The following CWF19L2 variants were observed in gnomAD, a reference collection of about 807,000 sequenced individuals.
CWF19L2 encodes the protein CWF19 like cell cycle control factor 2.
In CWF19L2, 98 loss-of-function variants were observed where a neutral mutation model predicts 111.7. That is an observed-to-expected ratio of 0.88 (90% CI 0.75 to 1.04). The LOEUF (loss-of-function observed/expected upper bound fraction) is 1.04, where lower values mean the gene tolerates loss of function less well. Among genes scored for constraint, CWF19L2 ranks in the 50% least tolerant of loss-of-function variants. The pLI, the probability that CWF19L2 is intolerant of heterozygous loss-of-function variation, is 0.00. For synonymous variants in CWF19L2, 351 were observed against 342.9 expected (o/e 1.02, Z -0.26); for missense variants, 1,101 against 1,051.4 (o/e 1.05, Z -0.65).
At chr11:107,362,191 T>C (rs993906945) in intron 12 of CWF19L2, among the ~76,000 whole-genome samples, 62 of 74,926 alleles carry the variant, frequency 8.3e-4, no homozygotes, top group African/African-American at 4.9e-3. Context: ...GGAGTCTCGC[T>C]GATTGCTACC....
chr11:107,425,077 A>G (rs1322997448), intron 8 of CWF19L2, among the ~76,000 whole-genome samples: 1 of 151,844 alleles, frequency 6.6e-6, no homozygotes, highest in East Asian at 1.9e-4. Flanking sequence ...AAGCCCAAAC[A>G]TGTCTCAATT....
At position 107,358,980 on chromosome 11, in the gene CWF19L2, C is replaced by A. The variant is rs1032973493; in HGVS notation, c.1873-5244G>T. ...GAGTTATGCAAACAGATACAGAGTA[C>A]AAGGATACTTATCTCCCACATGACA... On this transcript the variant is annotated intron_variant, in intron 12 of 17. Transcript: ENST00000282251. Among the ~76,000 whole-genome samples the A allele has an allele frequency of 5.3e-5, 8 of 152,176 alleles. 1 individual carries two copies. Among genetic ancestry groups the A allele is most frequent in the Non-Finnish European group, 7.4e-5 (5 of 68,024 alleles).
At chr11:107,432,516 G>A (rs1861478736) in intron 7 of CWF19L2, among the ~76,000 whole-genome samples, 1 of 152,248 alleles carries the variant, frequency 6.6e-6, no homozygotes, top group Admixed American at 6.5e-5. Flanking sequence ...CGAGGAGGCA[G>A]AGGTTGCAGT....
intron 12 of CWF19L2, among the ~76,000 whole-genome samples, chr11:107,367,929 C>T (rs1220858295): frequency 7.3e-6 from 1 of 137,012 alleles, no homozygotes; most frequent in African/African-American, 2.9e-5. Context: ...ACAGCATACC[C>T]AAACCAGTGA....
At chr11:107,330,988 AATATT>A (rs1413895428) in intron 16 of CWF19L2, among the ~76,000 whole-genome samples, 2 of 152,192 alleles carry the variant, frequency 1.3e-5, no homozygotes, top group East Asian at 3.8e-4. Flanking sequence ...GTCACCTTGA[AATATT>A]ATAAGGCAAC....
chr11:107,390,954 G>T (rs968674614), intron 11 of CWF19L2, among the ~76,000 whole-genome samples: 6 of 152,182 alleles, frequency 3.9e-5, no homozygotes, highest in African/African-American at 1.4e-4. Flanking sequence ...GACTTGCTGA[G>T]TCTTCTGGCC....
intron 1 of CWF19L2, among the ~76,000 whole-genome samples, chr11:107,456,724 TATA>T (rs1292730882): frequency 6.6e-6 from 1 of 152,104 alleles, no homozygotes; most frequent in South Asian, 2.1e-4. Flanking sequence ...CCTGGGTGCA[TATA>T]ATAATTCTTG....
At chr11:107,381,672 T>C (rs1230551536) in intron 12 of CWF19L2, among the ~76,000 whole-genome samples, 1 of 152,278 alleles carries the variant, frequency 6.6e-6, no homozygotes, top group Non-Finnish European at 1.5e-5. Flanking sequence ...CTTATTCTAA[T>C]CATACATTTA....
chr11:107,367,593 C>T lies in CWF19L2; in HGVS notation c.1873-13857G>A, dbSNP rs529421149. 1.6e-4 allele frequency among the ~76,000 whole-genome samples: 20 copies of T among 124,000 alleles called. 2 individuals are homozygous for T. In the South Asian group the frequency reaches 3.8e-3, roughly 23 times the overall value. 81.3% of individuals were successfully genotyped at this position (124,000 alleles called of 152,430 possible). ...ATTGCAAGAACAAAAAACCAAACAC[C>T]GCATATTCTCACTCATAGGTGGGAA... On this transcript the variant is annotated intron_variant, in intron 12 of 17. Transcript: ENST00000282251.
Position 107,442,662 on chromosome 11 carries a change from C to G in CWF19L2, c.450+277G>C, listed in dbSNP as rs553020648. ...TTGTGCCACTGCGGCCCAGCCTGGG[C>G]AACAGAGTGAGACCCTGTCTCTAAA... On this transcript the variant is annotated intron_variant, in intron 4 of 17. Transcript: ENST00000282251. Among the ~76,000 whole-genome samples, 3 of 147,488 alleles carry G rather than the reference C, an allele frequency of 2.0e-5. No individual in the cohort carries two copies. The Admixed American group carries it at 2.1e-4, about 10-fold the overall frequency.
chr11:107,380,986 T>C (rs11602033), intron 12 of CWF19L2, among the ~76,000 whole-genome samples: 39,402 of 152,110 alleles, frequency 0.26, 5,232 homozygotes, highest in Non-Finnish European at 0.29. Flanking sequence ...ATTATATGAT[T>C]CTACTTATCA....
At position 107,424,455 on chromosome 11, in the gene CWF19L2, T is replaced by TAA. The variant is rs34856316; in HGVS notation, c.1433+4342_1433+4343dup. Among the ~76,000 whole-genome samples, 589 of 146,212 alleles carry TAA rather than the reference T, an allele frequency of 4.0e-3. 4 individuals are homozygous for TAA. The highest frequency in any genetic ancestry group is 0.021 in the South Asian group (98 of 4,622). On this transcript the variant is annotated intron_variant, in intron 8 of 17. Coordinates refer to ENST00000282251, the MANE Select transcript of CWF19L2 (RefSeq NM_152434.3). ...CTGGCTTCTATACACCCTTTTATAA[T>TAA]AAAAAAAAAAAAGCCCGGATTAAGT...
intron 8 of CWF19L2, among the ~76,000 whole-genome samples, chr11:107,427,631 T>C (rs1861397314): frequency 6.6e-6 from 1 of 152,062 alleles, no homozygotes; most frequent in African/African-American, 2.4e-5. Context: ...ATCCTAATGA[T>C]ATCAGGAAAT....
chr11:107,386,503 C>T lies in CWF19L2; in HGVS notation c.1872+3571G>A, dbSNP rs532238393. ...AAGAAAAACCCATAGTTATTAAAGTCACCAGAAACCTCTACACTGCCAAAT... is the reference window on the plus strand; with the variant it reads ...AAGAAAAACCCATAGTTATTAAAGTTACCAGAAACCTCTACACTGCCAAAT... On this transcript the variant is annotated intron_variant, in intron 12 of 17. Transcript: ENST00000282251. Among the ~76,000 whole-genome samples the T allele has an allele frequency of 3.9e-5, 6 of 152,238 alleles. No homozygotes were observed. In the South Asian group the frequency reaches 6.2e-4, roughly 16 times the overall value.
chr11:107,446,639 A>G (rs2135425799), intron 3 of CWF19L2, among the ~76,000 whole-genome samples: 1 of 152,346 alleles, frequency 6.6e-6, no homozygotes, highest in Admixed American at 6.5e-5. Context: ...AGTTCCCCAA[A>G]GGTTTAAAAA....
At chr11:107,388,664 G>A (rs1860806228) in intron 12 of CWF19L2, among the ~76,000 whole-genome samples, 1 of 152,132 alleles carries the variant, frequency 6.6e-6, no homozygotes, top group African/African-American at 2.4e-5. Flanking sequence ...ACAGGGTTGA[G>A]CCACCACGCC....
chr11:107,362,589 C>A (rs149736106), intron 12 of CWF19L2, among the ~76,000 whole-genome samples: 10 of 132,980 alleles, frequency 7.5e-5, no homozygotes, highest in Non-Finnish European at 1.7e-4. Flanking sequence ...GCTGGGTACT[C>A]CAACAGACCT....
intron 12 of CWF19L2, among the ~76,000 whole-genome samples, chr11:107,380,545 C>CA (rs1395962464): frequency 6.6e-6 from 1 of 151,744 alleles, no homozygotes; most frequent in Non-Finnish European, 1.5e-5. Flanking sequence ...ATAGCTTTTA[C>CA]AAAAAACAAA....
chr11:107,400,333 CAAG>C (rs1465961557), intron 10 of CWF19L2, among the ~76,000 whole-genome samples: 1 of 151,324 alleles, frequency 6.6e-6, no homozygotes, highest in Admixed American at 6.6e-5. Flanking sequence ...CAATATTAAC[CAAG>C]AAGAGAGAAA....
Sources: allele counts gnomAD v4.1 joint callset (sites outside exome capture counted in the v4.1 genomes callset), GRCh38; gene constraint gnomAD v4.1.1; transcripts MANE v1.5; gene names NCBI Gene and HGNC (gene_info 2026-07-23, HGNC 2026-07-21).